The following DIO2 variants were observed in gnomAD, a reference collection of about 807,000 sequenced individuals.
DIO2 encodes iodothyronine deiodinase 2.
A neutral mutation model predicts 21.4 loss-of-function variants in DIO2; 19 were observed. The observed-to-expected ratio is 0.89, with a 90% CI of 0.62 to 1.30. The LOEUF is 1.30. DIO2 is among the 50% of genes most tolerant of loss of function. DIO2 has a pLI of 0.00. For missense variants in DIO2, 302 were observed against 338.1 expected (o/e 0.89, Z 0.84); for synonymous variants, 122 against 132.9 (o/e 0.92, Z 0.57).
Position 80,203,005 on chromosome 14 carries a change from C to G in DIO2, c.506G>C (p.Gly169Ala). Residue 169 changes from glycine to alanine, a missense_variant, in exon 2 of 2, where the codon GGC (glycine) becomes GCC (alanine). Physicochemically the swap from Gly to Ala is moderately conservative, Grantham distance 60 (BLOSUM62 0). Coordinates refer to ENST00000438257, the MANE Select transcript of DIO2 (RefSeq NM_013989.5). ...VYIDEAHPSDGWAIPGDSSLS... is the reference protein window; with the variant it reads ...VYIDEAHPSDAWAIPGDSSLS... ...AGAGGAGTCCCCCGGTATCGCCCAG[C>G]CATCTGATGGATGAGCCTCATCAAT... 2 of 1,613,942 alleles carry G rather than the reference C, an allele frequency of 1.2e-6. No individual in the cohort carries two copies. Among genetic ancestry groups the G allele is most frequent in the Non-Finnish European group, 1.7e-6 (2 of 1,179,888 alleles).
chr14:80,227,367 T>G (rs561513639), intron 2 of DIO2, among the ~76,000 whole-genome samples: 17 of 152,322 alleles, frequency 1.1e-4, no homozygotes, highest in African/African-American at 3.8e-4. Context: ...AGCTCAATCA[T>G]GTATATACCA....
intron 1 of DIO2, among the ~76,000 whole-genome samples, chr14:80,209,905 A>G (rs547189022): frequency 1.6e-3 from 244 of 152,346 alleles, no homozygotes; most frequent in African/African-American, 5.6e-3. Flanking sequence ...TTGTAATTTT[A>G]CAAGTTACTT....
intron 2 of DIO2, among the ~76,000 whole-genome samples, chr14:80,225,192 C>T (rs1018549802): frequency 1.3e-5 from 2 of 152,180 alleles, no homozygotes; most frequent in Non-Finnish European, 2.9e-5. Flanking sequence ...CACCCAGGAA[C>T]AATACTTTGC....
chr14:80,223,240 A>G (rs2140020275), intron 2 of DIO2, among the ~76,000 whole-genome samples: 1 of 152,320 alleles, frequency 6.6e-6, no homozygotes, highest in African/African-American at 2.4e-5. Context: ...AAACCCATTA[A>G]TAATATTTTC....
At chr14:80,205,757 AG>A in intron 1 of DIO2, 1 of 1,268,062 alleles carries the variant, frequency 7.9e-7, no homozygotes, top group African/African-American at 1.6e-5. Context: ...AAATTAGGAA[AG>A]TTACCAAATT....
At position 80,199,896 on chromosome 14, in the gene DIO2, C is replaced by T. The variant is rs961108514; in HGVS notation, c.*2793G>A. 6.6e-6 allele frequency: 1 copy of T among 152,378 alleles called. No homozygotes were observed. The highest frequency in any genetic ancestry group is 1.9e-4 in the East Asian group (1 of 5,172). The allele number at this position is 152,378 out of a possible 1,614,324, so 9.4% of individuals were successfully genotyped here. A position where few individuals can be genotyped will look rare whatever the true frequency, so the allele number is the denominator to read the frequency against. ...TGATATATAAATAGATACACATTTC[C>T]CTGTGGGACTAAGAACTACAATTCT... On this transcript the variant is annotated 3_prime_UTR_variant, in exon 2 of 2. Coordinates refer to ENST00000438257, the MANE Select transcript of DIO2 (RefSeq NM_013989.5).
upstream of DIO2, among the ~76,000 whole-genome samples, chr14:80,214,512 AT>A (rs531082328): frequency 2.0e-5 from 3 of 151,562 alleles, no homozygotes; most frequent in African/African-American, 4.8e-5. Flanking sequence ...TTTGAAGGGA[AT>A]TTTTTTTTAA....
rs539920648 is a variant in DIO2, at chr14:80,226,409, C to T, written c.-277-9672G>A. On this transcript the variant is annotated intron_variant, in intron 2 of 4. Transcript: ENST00000553594. The stretch of plus-strand genomic sequence containing the variant: ...TATCATGATGGTGGAAAAGGCATTC[C>T]GTGAATCCACAGATGGTAGTCTTGG... Among the ~76,000 whole-genome samples, 13 of 152,298 alleles carry T rather than the reference C, an allele frequency of 8.5e-5. No homozygotes were observed. The South Asian group carries it at 1.9e-3, about 22-fold the overall frequency.
upstream of DIO2, among the ~76,000 whole-genome samples, chr14:80,215,645 C>T (rs1391772203): frequency 1.3e-5 from 2 of 152,148 alleles, no homozygotes; most frequent in African/African-American, 4.8e-5. Context: ...TTCTTAAAAA[C>T]ATGTCAAATA....
At chr14:80,211,996 A>G (rs1343793682), upstream of DIO2, 1 of 148,022 alleles carries the variant, frequency 6.8e-6, no homozygotes. Context: ...TTTTTTTTTA[A>G]ATGTGCTTTA....
intron 1 of DIO2, chr14:80,205,730 G>A: frequency 7.7e-7 from 1 of 1,293,908 alleles, no homozygotes; most frequent in Non-Finnish European, 1.0e-6. Context: ...GTACAACACT[G>A]TCAGTCTAAA....
intron 1 of DIO2, among the ~76,000 whole-genome samples, chr14:80,205,922 T>C (rs1887936273): frequency 6.6e-6 from 1 of 152,160 alleles, no homozygotes; most frequent in Admixed American, 6.5e-5. Context: ...ATGAACATAA[T>C]CATATTTGGG....
intron 2 of DIO2, among the ~76,000 whole-genome samples, chr14:80,228,051 A>C (rs540849236): frequency 1.3e-5 from 2 of 152,338 alleles, no homozygotes; most frequent in South Asian, 4.1e-4. Context: ...ATGTCTCACC[A>C]ATAAGTCCAG....
At chr14:80,216,046 C>T (rs527717966), upstream of DIO2, 1 of 152,278 alleles carries the variant, frequency 6.6e-6, no homozygotes, top group Non-Finnish European at 1.5e-5. Context: ...CCCAGCAGCC[C>T]TCTCCGTAGG....
At chr14:80,223,036 A>G (rs1888497177) in intron 2 of DIO2, among the ~76,000 whole-genome samples, 1 of 151,692 alleles carries the variant, frequency 6.6e-6, no homozygotes, top group South Asian at 2.1e-4. Flanking sequence ...AAATTATTTT[A>G]TTTTTTGTAG....
At chr14:80,229,014 T>C (rs1305316126) in intron 2 of DIO2, among the ~76,000 whole-genome samples, 1 of 152,130 alleles carries the variant, frequency 6.6e-6, no homozygotes, top group African/African-American at 2.4e-5. Flanking sequence ...CATAATGTAG[T>C]GGGGTCCTAA....
intron 2 of DIO2, among the ~76,000 whole-genome samples, chr14:80,224,833 G>A (rs1354848238): frequency 6.6e-6 from 1 of 152,098 alleles, no homozygotes; most frequent in Admixed American, 6.6e-5. Context: ...GTTCCCTAGA[G>A]GGACAGAACT....
Position 80,199,045 on chromosome 14 carries a change from G to C in DIO2, c.*3644C>G, listed in dbSNP as rs978540083. The C allele has an allele frequency of 1.3e-5, 2 of 152,200 alleles. No homozygotes were observed. The highest frequency in any genetic ancestry group is 4.8e-5 in the African/African-American group (2 of 41,440). The allele number at this position is 152,200 out of a possible 1,614,324, so 9.4% of individuals were successfully genotyped here. ...CCTCTTAAGATTGACATAAAGAGAA[G>C]TCCTGTAAATCAGTCAATTCTTCTT... On this transcript the variant is annotated 3_prime_UTR_variant, in exon 2 of 2. Transcript: ENST00000438257.
In DIO2 at chr14:80,200,511, G is replaced by A. The variant is rs989384414; in HGVS notation, c.*2178C>T. 5 of 152,306 alleles carry A rather than the reference G, an allele frequency of 3.3e-5. No homozygotes were observed. Among genetic ancestry groups the A allele is most frequent in the Admixed American group, 6.5e-5 (1 of 15,268 alleles). The allele number at this position is 152,306 out of a possible 1,614,324, so 9.4% of individuals were successfully genotyped here. A position where few individuals can be genotyped will look rare whatever the true frequency, so the allele number is the denominator to read the frequency against. ...TTAAGGACAACAGTGTGAATGTGCT[G>A]CAACCAGGTTTTTTATTTTACTGCT... On this transcript the variant is annotated 3_prime_UTR_variant, in exon 2 of 2. Coordinates refer to ENST00000438257, the MANE Select transcript of DIO2 (RefSeq NM_013989.5).
Sources: gnomAD v4.1 joint callset for allele counts (sites outside exome capture counted in the v4.1 genomes callset) on GRCh38, gnomAD v4.1.1 for gene constraint, MANE v1.5 for transcripts, NCBI Gene and HGNC (gene_info 2026-07-23, HGNC 2026-07-21) for gene names.